Variants in ARHGAP5 observed in about 807,000 individuals in gnomAD.
ARHGAP5 encodes Rho GTPase activating protein 5, also known as rho GTPase-activating protein 5.
In ARHGAP5, 23 loss-of-function variants were observed where a neutral mutation model predicts 116.6. That is an observed-to-expected ratio of 0.20 (90% CI 0.14 to 0.28). The LOEUF is 0.28. ARHGAP5 is among the 10% of genes least tolerant of loss of function. The pLI is 1.00. For missense variants in ARHGAP5, 1,405 were observed against 1,774.8 expected, an observed-to-expected ratio of 0.79 and a Z score of 3.74; for synonymous variants, 574 against 602.0, an observed-to-expected ratio of 0.95 and a Z score of 0.68.
At position 32,091,998 on chromosome 14, in the gene ARHGAP5, C is replaced by A; in HGVS notation, c.1329C>A (p.Phe443Leu). Residue 443 changes from phenylalanine (F) to leucine (L), a missense_variant, in exon 2 of 7, where the codon TTC (phenylalanine) becomes TTA (leucine). This residue lies in a region of ARHGAP5 where 944 missense variants were observed against 1,095.3 expected (regional missense o/e 0.86). Transcript: ENST00000345122. ...KFKKTLEKIQFISPGQPWEEV... is the reference protein window; with the variant it reads ...KFKKTLEKIQLISPGQPWEEV... ...AAAAGACTTTGGAAAAAATTCAATT[C>A]ATTTCACCAGGGCAGCCATGGGAGG... 6.2e-7 allele frequency: 1 copy of A among 1,613,616 alleles called. No individual in the cohort carries two copies. Among genetic ancestry groups the A allele is most frequent in the Non-Finnish European group, 8.5e-7 (1 of 1,179,666 alleles).
Position 32,094,328 on chromosome 14 carries a change from A to T in ARHGAP5, c.3659A>T (p.Gln1220Leu). Residue 1220 changes from glutamine (Q) to leucine (L), a missense_variant, in exon 2 of 7, where the codon CAG (glutamine) becomes CTG (leucine). Coordinates refer to ENST00000345122, the MANE Select transcript of ARHGAP5 (RefSeq NM_001030055.2). ...GIDNPAITSD[Q>L]ELDDKKMKKK... ...GATAATCCTGCAATCACTTCTGACC[A>T]GGAGTTAGATGATAAGAAGATGAAG... The T allele has an allele frequency of 6.3e-7, 1 of 1,598,914 alleles. No homozygotes were observed. The highest frequency in any genetic ancestry group is 8.5e-7 in the Non-Finnish European group (1 of 1,176,222).
intron 2 of ARHGAP5, among the ~76,000 whole-genome samples, chr14:32,106,846 G>A (rs1486130065): frequency 6.6e-6 from 1 of 152,098 alleles, no homozygotes; most frequent in African/African-American, 2.4e-5. Flanking sequence ...GTAAATAAAT[G>A]GCAGTTTCTG....
intron 2 of ARHGAP5, among the ~76,000 whole-genome samples, chr14:32,105,387 T>G (rs1037820703): frequency 1.3e-5 from 2 of 152,196 alleles, no homozygotes; most frequent in African/African-American, 4.8e-5. Context: ...TAGTTGAGGT[T>G]GTCATTATTT....
chr14:32,140,225 G>A (rs570179011), intron 3 of ARHGAP5, among the ~76,000 whole-genome samples: 74 of 148,598 alleles, frequency 5.0e-4, no homozygotes, highest in African/African-American at 1.8e-3. Context: ...CCACTAAATC[G>A]TCATCTAGAA....
At chr14:32,142,715 T>C (rs1034308360) in intron 3 of ARHGAP5, among the ~76,000 whole-genome samples, 2 of 152,236 alleles carry the variant, frequency 1.3e-5, no homozygotes, top group Admixed American at 6.5e-5. Flanking sequence ...TGCAGGCTAC[T>C]GTCCTCATGA....
At chr14:32,149,678 A>G (rs1881552027) in intron 4 of ARHGAP5, among the ~76,000 whole-genome samples, 1 of 152,042 alleles carries the variant, frequency 6.6e-6, no homozygotes, top group African/African-American at 2.4e-5. Flanking sequence ...AGGCTGAGGC[A>G]GGAGAATTGC....
intron 2 of ARHGAP5, among the ~76,000 whole-genome samples, chr14:32,110,279 A>G (rs1879225467): frequency 6.6e-6 from 1 of 150,856 alleles, no homozygotes; most frequent in African/African-American, 2.4e-5. Context: ...GGTAAGAGGA[A>G]CAGAGTACTG....
In ARHGAP5 at chr14:32,127,164, A is replaced by T. The variant is rs1594375923; in HGVS notation, c.3865+9877A>T. 5.6e-5 allele frequency among the ~76,000 whole-genome samples: 8 copies of T among 143,506 alleles called. No individual in the cohort carries two copies. In the East Asian group the frequency reaches 1.6e-3, roughly 29 times the overall value. The allele number at this position is 143,506 out of a possible 152,430, so 94.1% of individuals were successfully genotyped here. ...AGGTGCGTGCCACCACTCCTGGCTGATTTTTTTTTTTTTAATTTTTTTAGT... is the reference window on the plus strand; with the variant it reads ...AGGTGCGTGCCACCACTCCTGGCTGTTTTTTTTTTTTTTAATTTTTTTAGT... On this transcript the variant is annotated intron_variant, in intron 3 of 6. Transcript: ENST00000345122.
chr14:32,125,203 C>G (rs1320697308), intron 3 of ARHGAP5, among the ~76,000 whole-genome samples: 2 of 152,184 alleles, frequency 1.3e-5, no homozygotes, highest in Non-Finnish European at 1.5e-5. Flanking sequence ...AGTAACCAAT[C>G]TGCTTTATGG....
At chr14:32,142,900 T>C (rs933583558) in intron 3 of ARHGAP5, among the ~76,000 whole-genome samples, 2 of 152,220 alleles carry the variant, frequency 1.3e-5, no homozygotes, top group African/African-American at 4.8e-5. Context: ...TGGAATTCTC[T>C]TATCCACCAC....
intron 1 of ARHGAP5, among the ~76,000 whole-genome samples, chr14:32,082,731 G>T (rs528973064): frequency 1.3e-3 from 191 of 152,202 alleles, no homozygotes; most frequent in Non-Finnish European, 2.1e-3. Flanking sequence ...GTAGAGATGG[G>T]GTTTCACCAT....
rs1881943689 is a variant in ARHGAP5, at chr14:32,157,531, A to G, written c.*2583A>G. ...TAACTACAATATTGGACCTAACAGG[A>G]TCTAGATTAGCAATATAAAGAAGCA... On this transcript the variant is annotated 3_prime_UTR_variant, in exon 7 of 7. Transcript: ENST00000345122. 6.6e-6 allele frequency: 1 copy of G among 152,282 alleles called. No homozygotes were observed. The allele number at this position is 152,282 out of a possible 1,614,324, so 9.4% of individuals were successfully genotyped here. A position where few individuals can be genotyped will look rare whatever the true frequency, so the allele number is the denominator to read the frequency against.
chr14:32,124,177 C>T (rs1199705812), intron 3 of ARHGAP5, among the ~76,000 whole-genome samples: 3 of 152,148 alleles, frequency 2.0e-5, no homozygotes, highest in Admixed American at 6.6e-5. Flanking sequence ...CCAGACACTA[C>T]GTTGGGGCAT....
intron 2 of ARHGAP5, among the ~76,000 whole-genome samples, chr14:32,099,674 G>A (rs1878701390): frequency 6.6e-6 from 1 of 152,050 alleles, no homozygotes; most frequent in African/African-American, 2.4e-5. Flanking sequence ...ATCTCAGAAC[G>A]GTCCTCTGCC....
At chr14:32,149,847 G>A (rs1881560914) in intron 4 of ARHGAP5, 55 bp from the exon 5 acceptor site, 1 of 1,047,312 alleles carries the variant, frequency 9.5e-7, no homozygotes, top group Admixed American at 3.6e-5. Context: ...CATTTAGCTT[G>A]CTTCTATAAT....
At chr14:32,153,215 A>G (rs1204008334) in intron 6 of ARHGAP5, among the ~76,000 whole-genome samples, 1 of 150,014 alleles carries the variant, frequency 6.7e-6, no homozygotes, top group East Asian at 2.0e-4. Context: ...AGAAAATACC[A>G]TGGAAACATG....
intron 1 of ARHGAP5, among the ~76,000 whole-genome samples, chr14:32,082,905 G>A (rs1457119552): frequency 6.6e-6 from 1 of 152,186 alleles, no homozygotes; most frequent in African/African-American, 2.4e-5. Context: ...TCTATCTCTT[G>A]GGCTCTGTGC....
chr14:32,103,527 T>C (rs1878881748), intron 2 of ARHGAP5, among the ~76,000 whole-genome samples: 1 of 152,200 alleles, frequency 6.6e-6, no homozygotes, highest in African/African-American at 2.4e-5. Flanking sequence ...TGCAGCAGAT[T>C]AATAGTAAAT....
chr14:32,112,608 C>A (rs1879368777), intron 2 of ARHGAP5, among the ~76,000 whole-genome samples: 1 of 152,158 alleles, frequency 6.6e-6, no homozygotes, highest in African/African-American at 2.4e-5. Flanking sequence ...CGCGGTGGCT[C>A]ACGCCTATAA....
Sources: gnomAD v4.1 joint callset for allele counts (sites outside exome capture counted in the v4.1 genomes callset) on GRCh38, gnomAD v4.1.1 for gene constraint, gnomAD v4.1.1 regional missense constraint, MANE v1.5 for transcripts, NCBI Gene and HGNC (gene_info 2026-07-23, HGNC 2026-07-21) for gene names.